C21orf91: variants seen among roughly 807,000 people sequenced by gnomAD.
C21orf91 encodes the protein protein EURL homolog.
In C21orf91, 26 loss-of-function variants were observed where a neutral mutation model predicts 32.9. That is an observed-to-expected ratio of 0.79 (90% CI 0.58 to 1.10). The LOEUF is 1.10. Among genes scored for constraint, C21orf91 ranks in the 50% least tolerant of loss-of-function variants. The probability of loss-of-function intolerance (pLI) is 0.00; values close to 1 mark genes in which losing one functional copy is unlikely to be tolerated. For missense variants in C21orf91, 310 were observed against 341.3 expected, an observed-to-expected ratio of 0.91 and a Z score of 0.72; for synonymous variants, 126 against 120.4, an observed-to-expected ratio of 1.05 and a Z score of -0.31.
intron 2 of C21orf91, among the ~76,000 whole-genome samples, chr21:17,809,901 C>T (rs1327007817): frequency 6.6e-6 from 1 of 152,166 alleles, no homozygotes. Flanking sequence ...TTTTGCCTTA[C>T]TGTTGTACAA....
At chr21:17,817,182 T>C (rs116597266) in intron 2 of C21orf91, among the ~76,000 whole-genome samples, 1 of 152,308 alleles carries the variant, frequency 6.6e-6, no homozygotes, top group African/African-American at 2.4e-5. Context: ...AGATATTCTA[T>C]GTAATCCACA....
At chr21:17,804,616 A>C (rs2062583356) in intron 2 of C21orf91, among the ~76,000 whole-genome samples, 1 of 152,244 alleles carries the variant, frequency 6.6e-6, no homozygotes, top group South Asian at 2.1e-4. Flanking sequence ...TTTGAGAATT[A>C]CTGCCCTAAA....
chr21:17,809,251 A>T (rs1203964682), intron 2 of C21orf91, among the ~76,000 whole-genome samples: 2 of 152,248 alleles, frequency 1.3e-5, no homozygotes, highest in Non-Finnish European at 2.9e-5. Context: ...AACATGGTCA[A>T]AATTATGAAG....
chr21:17,812,828 C>A (rs938044075), intron 2 of C21orf91, among the ~76,000 whole-genome samples: 2 of 148,732 alleles, frequency 1.3e-5, no homozygotes, highest in African/African-American at 4.9e-5. Context: ...CAAAAAAAAA[C>A]AAACAAAAAA....
intron 2 of C21orf91, among the ~76,000 whole-genome samples, chr21:17,815,720 G>A (rs767312555): frequency 9.9e-5 from 15 of 151,964 alleles, no homozygotes; most frequent in Non-Finnish European, 1.0e-4. Flanking sequence ...GAGTGCGATG[G>A]CACAATCTCA....
intron 2 of C21orf91, among the ~76,000 whole-genome samples, chr21:17,803,356 A>G (rs1380450892): frequency 6.6e-6 from 1 of 152,146 alleles, no homozygotes; most frequent in Non-Finnish European, 1.5e-5. Flanking sequence ...CCTGGTCTCT[A>G]GAAAAAATAC....
rs374793972 is a variant in C21orf91, at chr21:17,793,542, T to A, written c.767A>T (p.Asp256Val). 1.1e-5 allele frequency: 18 copies of A among 1,613,608 alleles called. No individual in the cohort carries two copies. Among genetic ancestry groups the A allele is most frequent in the Non-Finnish European group, 1.4e-5 (17 of 1,179,706 alleles). Residue 256 changes from aspartate to valine, a missense_variant, in exon 5 of 5, where the codon GAT becomes GTT. Transcript: ENST00000284881. Reference sequence around the variant, plus strand: ...GACATGGAGCTGTGAGGCCAAAGAATCTTTTTCTTGCACTTGGTGAGTTAA... The same window carrying A: ...GACATGGAGCTGTGAGGCCAAAGAAACTTTTTCTTGCACTTGGTGAGTTAA... ...EELTHQVQEK[D>V]SLASQLHVRH...
At chr21:17,818,531 C>A (rs936521842) in intron 1 of C21orf91, among the ~76,000 whole-genome samples, 1 of 152,188 alleles carries the variant, frequency 6.6e-6, no homozygotes, top group Non-Finnish European at 1.5e-5. Flanking sequence ...TAAAGCCAGG[C>A]CATAGGTGAC....
At chr21:17,818,040 T>C in intron 2 of C21orf91, 152 bp downstream of exon 2, 2 of 490,986 alleles carry the variant, frequency 4.1e-6, no homozygotes, top group Non-Finnish European at 6.9e-6. Context: ...TGCACCTTCA[T>C]TTCCAGAAAC....
rs751396301 is a variant in C21orf91, at chr21:17,792,441, A to G, written c.*974T>C. 1.8e-4 allele frequency: 27 copies of G among 151,918 alleles called. No individual in the cohort carries two copies. Among genetic ancestry groups the G allele is most frequent in the Non-Finnish European group, 3.5e-4 (24 of 67,958 alleles). The allele number at this position is 151,918 out of a possible 1,614,324, so 9.4% of individuals were successfully genotyped here. A position where few individuals can be genotyped will look rare whatever the true frequency, so the allele number is the denominator to read the frequency against. On this transcript the variant is annotated 3_prime_UTR_variant, in exon 5 of 5. Transcript: ENST00000284881. ...AATTTGGACAGTTTAAGTATTCTTGAAACTTTACCCAAAGTGGCACACAAA... is the reference window on the plus strand; with the variant it reads ...AATTTGGACAGTTTAAGTATTCTTGGAACTTTACCCAAAGTGGCACACAAA...
Position 17,795,080 on chromosome 21 carries a change from A to G in C21orf91, c.727+128T>C, listed in dbSNP as rs555205333. ...TTCTTTCTTATTCTTTTTGCTCTGG[A>G]AACTCTAACAGGTTTGAATATCTCA... is the stretch of plus-strand genomic sequence containing the variant. On this transcript the variant is annotated intron_variant, in intron 4 of 4. Coordinates refer to ENST00000284881, the MANE Select transcript of C21orf91 (RefSeq NM_001100420.2). The G allele has an allele frequency of 7.0e-5, 49 of 702,326 alleles. No individual in the cohort carries two copies. The East Asian group carries it at 1.2e-3, about 18-fold the overall frequency. The allele number at this position is 702,326 out of a possible 1,614,324, so 43.5% of individuals were successfully genotyped here. A position where few individuals can be genotyped will look rare whatever the true frequency, so the allele number is the denominator to read the frequency against.
At chr21:17,793,738 T>C (rs2062496409) in intron 4 of C21orf91, among the ~76,000 whole-genome samples, 157 bp from the exon 5 acceptor site, 1 of 152,204 alleles carries the variant, frequency 6.6e-6, no homozygotes, top group African/African-American at 2.4e-5. Context: ...ACAAAGCATA[T>C]CAGTTCTGAT....
Position 17,793,540 on chromosome 21 carries a change from A to G in C21orf91, c.769T>C (p.Ser257Pro), listed in dbSNP as rs1208690895. ...CGGACATGGAGCTGTGAGGCCAAAG[A>G]ATCTTTTTCTTGCACTTGGTGAGTT... ...ELTHQVQEKD[S>P]LASQLHVRHV... Residue 257 changes from serine to proline, a missense_variant, in exon 5 of 5, where the codon TCT (serine) becomes CCT (proline). Ser to Pro is a moderately conservative substitution (Grantham distance 74, BLOSUM62 -1). Coordinates refer to ENST00000284881, the MANE Select transcript of C21orf91 (RefSeq NM_001100420.2). 1 of 1,613,714 alleles carries G rather than the reference A, an allele frequency of 6.2e-7. No homozygotes were observed. The highest frequency in any genetic ancestry group is 1.7e-5 in the Admixed American group (1 of 59,940).
intron 2 of C21orf91, among the ~76,000 whole-genome samples, chr21:17,798,708 A>G (rs549973199): frequency 1.3e-5 from 2 of 152,238 alleles, no homozygotes; most frequent in African/African-American, 4.8e-5. Context: ...GCTTTATTTG[A>G]TAATAGAGTA....
rs750745092 is a variant in C21orf91, at chr21:17,797,093, G to A, written c.153C>T (p.His51=). 9.6e-5 allele frequency: 153 copies of A among 1,598,860 alleles called. No individual in the cohort carries two copies. In the East Asian group the frequency reaches 3.3e-3, roughly 35 times the overall value. Residue 51 remains histidine (H), a synonymous_variant, in exon 3 of 5, where the codon CAC becomes CAT. Coordinates refer to ENST00000284881, the MANE Select transcript of C21orf91 (RefSeq NM_001100420.2). ...CTTTATGGCCCCTTAATGATTTGGT[G>A]TGCAAGAGATCAGACTTTGGTACCC... ...IEGVPKSDLL[H]TKSLRGHKDC... is the part of the protein sequence containing the mutation.
At chr21:17,814,288 A>G (rs2062651398) in intron 2 of C21orf91, among the ~76,000 whole-genome samples, 1 of 152,090 alleles carries the variant, frequency 6.6e-6, no homozygotes, top group Non-Finnish European at 1.5e-5. Flanking sequence ...ATCTTTAGAG[A>G]TTTTAGCAGT....
intron 2 of C21orf91, among the ~76,000 whole-genome samples, chr21:17,817,187 T>A (rs1161973344): frequency 2.0e-5 from 3 of 152,160 alleles, no homozygotes; most frequent in Non-Finnish European, 4.4e-5. Context: ...TTCTATGTAA[T>A]CCACAAGAAA....
intron 2 of C21orf91, among the ~76,000 whole-genome samples, chr21:17,804,202 T>G (rs2062580847): frequency 1.3e-5 from 2 of 152,282 alleles, no homozygotes; most frequent in Non-Finnish European, 1.5e-5. Context: ...TTATTACCAT[T>G]ATTATCTATT....
chr21:17,817,356 A>T (rs2062670532), intron 2 of C21orf91, among the ~76,000 whole-genome samples: 1 of 152,182 alleles, frequency 6.6e-6, no homozygotes, highest in Non-Finnish European at 1.5e-5. Context: ...AAGATCATGA[A>T]AAATTTCAAA....
Sources: allele counts gnomAD v4.1 joint callset (sites outside exome capture counted in the v4.1 genomes callset), GRCh38; gene constraint gnomAD v4.1.1; transcripts MANE v1.5; gene names NCBI Gene and HGNC (gene_info 2026-07-23, HGNC 2026-07-21).